Variants in CSMD2 observed in about 807,000 individuals in gnomAD.
CSMD2 encodes the protein CUB and Sushi multiple domains 2, also known as CUB and sushi domain-containing protein 2.
Under a neutral mutation model 398.5 loss-of-function variants are expected in CSMD2, and 130 were observed. That is an observed-to-expected ratio of 0.33 (90% CI 0.28 to 0.38). CSMD2 has a LOEUF of 0.38. Ranked by LOEUF, CSMD2 falls within the 10% of genes least tolerant of loss-of-function variation. The pLI is 1.00. For synonymous variants in CSMD2, 1,828 were observed against 1,908.5 expected (o/e 0.96, Z 1.10); for missense variants, 3,829 against 4,764.9 (o/e 0.80, Z 5.78).
intron 3 of CSMD2, among the ~76,000 whole-genome samples, chr1:33,961,118 C>A (rs1277187823): frequency 6.6e-6 from 1 of 152,278 alleles, no homozygotes; most frequent in Non-Finnish European, 1.5e-5. Context: ...TGTAGTCACA[C>A]TTTCCAAGGA....
chr1:33,945,062 G>A (rs1644799438), intron 3 of CSMD2, among the ~76,000 whole-genome samples: 1 of 151,854 alleles, frequency 6.6e-6, no homozygotes, highest in African/African-American at 2.4e-5. Flanking sequence ...GCACCAGAGG[G>A]GCCACAGAGA....
intron 27 of CSMD2, among the ~76,000 whole-genome samples, chr1:33,657,604 G>C (rs944771372): frequency 2.0e-5 from 3 of 152,168 alleles, no homozygotes; most frequent in African/African-American, 7.2e-5. Flanking sequence ...GGGTCATTTC[G>C]GAATCTGTTA....
At chr1:33,582,962 T>C (rs1029050595) in intron 47 of CSMD2, among the ~76,000 whole-genome samples, 1 of 152,236 alleles carries the variant, frequency 6.6e-6, no homozygotes, top group Non-Finnish European at 1.5e-5. Context: ...GACAACAGTA[T>C]ACATTCATGG....
At chr1:33,850,907 T>G (rs969599132) in intron 5 of CSMD2, among the ~76,000 whole-genome samples, 3 of 152,156 alleles carry the variant, frequency 2.0e-5, no homozygotes, top group Non-Finnish European at 4.4e-5. Flanking sequence ...TCTGAGCCAT[T>G]CCCTTCATGA....
intron 3 of CSMD2, among the ~76,000 whole-genome samples, chr1:34,020,453 A>C (rs1300959138): frequency 6.6e-6 from 1 of 152,198 alleles, no homozygotes; most frequent in Non-Finnish European, 1.5e-5. Context: ...GGTCTCAGGC[A>C]GCAACAACGC....
chr1:33,574,966 C>T (rs34553724), intron 49 of CSMD2, among the ~76,000 whole-genome samples: 14,994 of 152,206 alleles, frequency 0.099, 865 homozygotes, highest in African/African-American at 0.15. Flanking sequence ...AGGAAGTGGG[C>T]GGCAGCCACT....
chr1:33,631,525 A>C (rs996115718), intron 32 of CSMD2, among the ~76,000 whole-genome samples: 3 of 152,182 alleles, frequency 2.0e-5, no homozygotes, highest in Non-Finnish European at 4.4e-5. Context: ...CAAATATGCC[A>C]AAAACAACAG....
chr1:33,943,717 T>G (rs1031651826), intron 3 of CSMD2, among the ~76,000 whole-genome samples: 1 of 152,128 alleles, frequency 6.6e-6, no homozygotes, highest in Non-Finnish European at 1.5e-5. Context: ...AAACAGGAGC[T>G]GAGCCTGCTT....
chr1:33,716,547 G>A lies in CSMD2; in HGVS notation c.3002-46C>T, dbSNP rs770003476. On this transcript the variant is annotated intron_variant, in intron 19 of 70. Coordinates refer to ENST00000373381, the MANE Select transcript of CSMD2 (RefSeq NM_001281956.2). ...CAGGTTGTTGATGGCGAGATGGCTG[G>A]AGAACCTCAGCTGCAAGACAGGATC... is the stretch of plus-strand genomic sequence containing the variant. 6.9e-6 allele frequency: 9 copies of A among 1,304,412 alleles called. No individual in the cohort carries two copies. In the African/African-American group the frequency reaches 1.5e-4, roughly 22 times the overall value. 80.8% of individuals were successfully genotyped at this position (1,304,412 alleles called of 1,614,324 possible).
chr1:34,163,928 G>C lies in CSMD2; in HGVS notation c.187+983C>G, dbSNP rs540912583. 5.6e-4 allele frequency among the ~76,000 whole-genome samples: 85 copies of C among 152,250 alleles called. 1 individual carries two copies. The highest frequency in any genetic ancestry group is 2.5e-4 in the Non-Finnish European group (17 of 68,012). On this transcript the variant is annotated intron_variant, in intron 1 of 70. Coordinates refer to ENST00000373381, the MANE Select transcript of CSMD2 (RefSeq NM_001281956.2). The surrounding 1 kb of genome is among the most constrained non-coding windows in gnomAD (Gnocchi z 5.4). Reference sequence around the variant, plus strand: ...GCCAGTAGCCTCCACAGGGGACCGGGTTCCCTCGAAGGTTCGCGTACCTCC... The same window carrying C: ...GCCAGTAGCCTCCACAGGGGACCGGCTTCCCTCGAAGGTTCGCGTACCTCC...
intron 3 of CSMD2, among the ~76,000 whole-genome samples, chr1:33,997,675 A>G (rs893076716): frequency 2.6e-5 from 4 of 152,208 alleles, no homozygotes; most frequent in Admixed American, 2.0e-4. Context: ...GAGTAATAAA[A>G]ATCTTTTTTT....
intron 3 of CSMD2, among the ~76,000 whole-genome samples, chr1:33,985,871 G>C (rs1646342487): frequency 6.6e-6 from 1 of 152,120 alleles, no homozygotes; most frequent in South Asian, 2.1e-4. Context: ...AATGCATGGG[G>C]CCTCAGTCCA....
At chr1:34,015,863 C>T (rs1038075975) in intron 3 of CSMD2, among the ~76,000 whole-genome samples, 13 of 152,168 alleles carry the variant, frequency 8.5e-5, no homozygotes, top group African/African-American at 2.9e-4. Flanking sequence ...CCAAGCTTCT[C>T]ACACGAATAA....
Position 33,819,928 on chromosome 1 carries a change from G to A in CSMD2, c.1200-91C>T. 2.6e-6 allele frequency: 4 copies of A among 1,535,690 alleles called. No homozygotes were observed. In the South Asian group the frequency reaches 4.9e-5, roughly 19 times the overall value. On this transcript the variant is annotated intron_variant, in intron 8 of 70. Transcript: ENST00000373381. Reference sequence around the variant, plus strand: ...CTGGTTCCACAAAGAAGCCGCACATGTTATTTTTCCTTCTGGCCCTTAATC... The same window carrying A: ...CTGGTTCCACAAAGAAGCCGCACATATTATTTTTCCTTCTGGCCCTTAATC...
At chr1:34,068,970 T>A (rs1050032358) in intron 2 of CSMD2, among the ~76,000 whole-genome samples, 2 of 152,186 alleles carry the variant, frequency 1.3e-5, no homozygotes, top group Non-Finnish European at 2.9e-5. Context: ...ACCTCTTTCT[T>A]TTGTAAATTG....
intron 5 of CSMD2, among the ~76,000 whole-genome samples, chr1:33,887,052 C>T (rs868314747): frequency 4.9e-4 from 75 of 152,024 alleles, no homozygotes; most frequent in African/African-American, 1.7e-3. Flanking sequence ...TCTTTGACTC[C>T]AAAGTCCGTT....
Position 33,580,886 on chromosome 1 carries a change from C to G in CSMD2, c.7254G>C (p.Gln2418His). ...EFEIFDGPSG[Q>H]SPLLKALSGN... The stretch of plus-strand genomic sequence containing the variant: ...CACTGAGGGCTTTCAGCAGAGGACT[C>G]TGTCCTGATGGACCTGGGGTGAGAA... The change falls in exon 48 of 71, where the codon CAG becomes CAC. Residue 2418 changes from glutamine (Q) to histidine (H), a missense_variant. This residue lies in a region of CSMD2 where 723 missense variants were observed against 758.6 expected (regional missense o/e 0.95). Coordinates refer to ENST00000373381, the MANE Select transcript of CSMD2 (RefSeq NM_001281956.2). 2 of 1,614,120 alleles carry G rather than the reference C, an allele frequency of 1.2e-6. No homozygotes were observed. Among genetic ancestry groups the G allele is most frequent in the Non-Finnish European group, 8.5e-7 (1 of 1,180,002 alleles).
intron 2 of CSMD2, among the ~76,000 whole-genome samples, chr1:34,069,293 T>C (rs1292586279): frequency 1.3e-5 from 2 of 152,200 alleles, no homozygotes; most frequent in East Asian, 3.9e-4. Flanking sequence ...GAGGTCTCTG[T>C]CTGCAGTGGT....
intron 13 of CSMD2, among the ~76,000 whole-genome samples, chr1:33,770,364 A>T (rs1651096628): frequency 6.6e-6 from 1 of 152,162 alleles, no homozygotes; most frequent in Non-Finnish European, 1.5e-5. Context: ...TTATCACCAT[A>T]CTTTCTTATC....
Sources: gnomAD v4.1 joint callset for allele counts (sites outside exome capture counted in the v4.1 genomes callset) on GRCh38, gnomAD v4.1.1 for gene constraint, gnomAD v4.1.1 regional missense constraint, Gnocchi (gnomAD v3.1) non-coding constraint, MANE v1.5 for transcripts, NCBI Gene and HGNC (gene_info 2026-07-23, HGNC 2026-07-21) for gene names.